GPC6: variants seen among roughly 807,000 people sequenced by gnomAD.
GPC6 encodes glypican-6.
Under a neutral mutation model 55.2 loss-of-function variants are expected in GPC6, and 14 were observed. The observed-to-expected ratio is 0.25, with a 90% CI of 0.17 to 0.40. The LOEUF is 0.40. Among genes scored for constraint, GPC6 ranks in the 10% least tolerant of loss-of-function variants. The pLI, the probability that GPC6 is intolerant of heterozygous loss-of-function variation, is 1.00. For synonymous variants in GPC6, 278 were observed against 259.6 expected (o/e 1.07, Z -0.68); for missense variants, 641 against 708.5 (o/e 0.90, Z 1.08).
At chr13:93,697,591 G>C (rs77732282) in intron 2 of GPC6, among the ~76,000 whole-genome samples, 1 of 152,114 alleles carries the variant, frequency 6.6e-6, no homozygotes, top group Non-Finnish European at 1.5e-5. Context: ...GTTAGACAAC[G>C]AATTAGCATA....
intron 4 of GPC6, among the ~76,000 whole-genome samples, chr13:94,182,870 G>A (rs1889043302): frequency 6.6e-6 from 1 of 152,144 alleles, no homozygotes; most frequent in Admixed American, 6.5e-5. Context: ...GAACCCCTCA[G>A]GTTCAAGTGA....
intron 3 of GPC6, among the ~76,000 whole-genome samples, chr13:93,937,671 C>T (rs187460550): frequency 6.6e-4 from 101 of 152,174 alleles, no homozygotes; most frequent in Admixed American, 1.6e-3. Context: ...CTCTGCCTCC[C>T]GGATTCAAGC....
intron 4 of GPC6, among the ~76,000 whole-genome samples, chr13:94,129,571 T>C (rs1330165882): frequency 6.6e-6 from 1 of 152,122 alleles, no homozygotes; most frequent in Non-Finnish European, 1.5e-5. Context: ...AGACTTTGGC[T>C]TGTGTTTTTG....
At chr13:93,733,694 A>G (rs1883905289) in intron 2 of GPC6, among the ~76,000 whole-genome samples, 1 of 152,126 alleles carries the variant, frequency 6.6e-6, no homozygotes, top group Non-Finnish European at 1.5e-5. Context: ...CAGTTATTTT[A>G]CTAATGAGAA....
At chr13:94,201,117 G>A (rs1432505268) in intron 4 of GPC6, among the ~76,000 whole-genome samples, 3 of 152,310 alleles carry the variant, frequency 2.0e-5, no homozygotes, top group Middle Eastern at 3.4e-3. Context: ...GCCCCTCCTG[G>A]TTCACTTCCT....
intron 3 of GPC6, among the ~76,000 whole-genome samples, chr13:94,024,526 A>G (rs1188944429): frequency 3.3e-5 from 5 of 152,168 alleles, no homozygotes; most frequent in Non-Finnish European, 7.4e-5. Flanking sequence ...TGAACATGAA[A>G]GCTTCGACTC....
chr13:93,386,986 T>C (rs1246081714), intron 1 of GPC6, among the ~76,000 whole-genome samples: 1 of 152,180 alleles, frequency 6.6e-6, no homozygotes, highest in Non-Finnish European at 1.5e-5. Context: ...CAATCCTAAT[T>C]CAGCACGATC....
intron 1 of GPC6, among the ~76,000 whole-genome samples, chr13:93,413,262 A>G (rs1014928780): frequency 1.3e-5 from 2 of 152,200 alleles, no homozygotes; most frequent in Non-Finnish European, 2.9e-5. Flanking sequence ...GTTATTTCAC[A>G]TTACGAAGAA....
At chr13:93,851,580 T>A (rs1330457) in intron 3 of GPC6, among the ~76,000 whole-genome samples, 143,536 of 151,964 alleles carry the variant, frequency 0.94, 67,924 homozygotes, top group Admixed American at 0.98. Flanking sequence ...TCTTTTATGC[T>A]AAAGTTTCCA....
At chr13:94,358,789 CAG>C (rs1878921311) in intron 6 of GPC6, among the ~76,000 whole-genome samples, 1 of 152,202 alleles carries the variant, frequency 6.6e-6, no homozygotes, top group African/African-American at 2.4e-5. Flanking sequence ...AAGATGACTA[CAG>C]AGTTTCCATG....
chr13:93,219,843 ATTTG>A, the GPC6 span, among the ~76,000 whole-genome samples: 2 of 142,660 alleles, frequency 1.4e-5, no homozygotes, highest in South Asian at 4.8e-4. Flanking sequence ...CAATTTTGTA[ATTTG>A]TTTATCTAAT....
intron 3 of GPC6, among the ~76,000 whole-genome samples, chr13:93,849,864 A>G (rs1888333724): frequency 6.6e-6 from 1 of 152,112 alleles, no homozygotes; most frequent in African/African-American, 2.4e-5. Flanking sequence ...AATGATGGGA[A>G]CATTTTTACC....
chr13:93,824,940 A>C (rs955538482), intron 2 of GPC6, among the ~76,000 whole-genome samples: 5 of 152,134 alleles, frequency 3.3e-5, no homozygotes, highest in Non-Finnish European at 5.9e-5. Flanking sequence ...GGGAGTATTG[A>C]CTACCGAGAA....
chr13:93,258,914 C>T (rs1162635907), intron 1 of GPC6, among the ~76,000 whole-genome samples: 2 of 152,132 alleles, frequency 1.3e-5, no homozygotes, highest in Non-Finnish European at 2.9e-5. Flanking sequence ...TGTACCAGTG[C>T]ACTCCAGCCT....
chr13:94,286,320 A>G, intron 4 of GPC6, 29 bp from the exon 5 acceptor site: 1 of 1,613,276 alleles, frequency 6.2e-7, no homozygotes, highest in East Asian at 2.2e-5. Flanking sequence ...CCCAGTTTGC[A>G]AATAAATCAT....
intron 4 of GPC6, among the ~76,000 whole-genome samples, chr13:94,148,646 A>C (rs1887639495): frequency 6.6e-6 from 1 of 152,190 alleles, no homozygotes. Flanking sequence ...ATTCTAGTTT[A>C]GGCATCTATA....
intron 1 of GPC6, among the ~76,000 whole-genome samples, chr13:93,231,004 T>C (rs540400405): frequency 1.3e-4 from 20 of 152,202 alleles, no homozygotes; most frequent in South Asian, 2.1e-4. Flanking sequence ...CAATCTCTTA[T>C]ATAGAATTTA....
At chr13:93,643,934 A>AT (rs1880066563) in intron 2 of GPC6, among the ~76,000 whole-genome samples, 1 of 151,800 alleles carries the variant, frequency 6.6e-6, no homozygotes, top group Non-Finnish European at 1.5e-5. Context: ...ATACATCATC[A>AT]TTTTTCCTGC....
chr13:94,398,524 G>A lies in GPC6; in HGVS notation c.1348G>A (p.Asp450Asn). 6.2e-7 allele frequency: 1 copy of A among 1,613,378 alleles called. No homozygotes were observed. The highest frequency in any genetic ancestry group is 8.5e-7 in the Non-Finnish European group (1 of 1,179,324). The change falls in exon 8 of 9, where the codon GAT becomes AAT. Residue 450 changes from aspartate to asparagine, a missense_variant. Asp to Asn is a conservative substitution (Grantham distance 23). Transcript: ENST00000377047. ...CAACCAGATCAACAATCCCGAGGTG[G>A]ATGTGGACATCACTCGGCCTGACAC... ...LTNQINNPEV[D>N]VDITRPDTFI... is the part of the protein sequence containing the mutation.
Sources: gnomAD v4.1 joint callset for allele counts (sites outside exome capture counted in the v4.1 genomes callset) on GRCh38, gnomAD v4.1.1 for gene constraint, MANE v1.5 for transcripts, NCBI Gene and HGNC (gene_info 2026-07-23, HGNC 2026-07-21) for gene names.